LRP1B: variants seen among roughly 807,000 people sequenced by gnomAD.
LRP1B encodes LDL receptor related protein 1B.
In LRP1B, 217 loss-of-function variants were observed where a neutral mutation model predicts 556.6. That is an observed-to-expected ratio of 0.39 (90% CI 0.35 to 0.44). The LOEUF (loss-of-function observed/expected upper bound fraction) is 0.44, where lower values mean the gene tolerates loss of function less well. Ranked by LOEUF, LRP1B falls within the 20% of genes least tolerant of loss-of-function variation. LRP1B has a pLI of 1.00. For missense variants in LRP1B, 5,053 were observed against 5,620.8 expected, an observed-to-expected ratio of 0.90 and a Z score of 3.23; for synonymous variants, 2,047 against 1,865.8, an observed-to-expected ratio of 1.10 and a Z score of -2.50.
intron 18 of LRP1B, among the ~76,000 whole-genome samples, chr2:140,960,055 TACACATTG>T (rs1695988651): frequency 6.6e-6 from 1 of 151,698 alleles, no homozygotes; most frequent in Non-Finnish European, 1.5e-5. Flanking sequence ...AATTTGCTTA[TACACATTG>T]ACTTTCCACT....
At chr2:141,789,410 C>T (rs1695535200) in intron 2 of LRP1B, among the ~76,000 whole-genome samples, 1 of 151,652 alleles carries the variant, frequency 6.6e-6, no homozygotes, top group Admixed American at 6.6e-5. Flanking sequence ...GCCCACATAC[C>T]ACTTGTCAAG....
At chr2:142,025,289 CA>C (rs951900478) in intron 1 of LRP1B, among the ~76,000 whole-genome samples, 1 of 151,976 alleles carries the variant, frequency 6.6e-6, no homozygotes, top group Non-Finnish European at 1.5e-5. Context: ...AATATTTTAC[CA>C]GGAACAGTTT....
At chr2:141,901,058 G>T (rs1699604744) in intron 1 of LRP1B, among the ~76,000 whole-genome samples, 1 of 151,884 alleles carries the variant, frequency 6.6e-6, no homozygotes, top group Non-Finnish European at 1.5e-5. Context: ...CAACCAATAC[G>T]GTTCTTCTTA....
chr2:141,519,783 G>A (rs141822217), intron 2 of LRP1B, among the ~76,000 whole-genome samples: 5 of 152,088 alleles, frequency 3.3e-5, no homozygotes, highest in Admixed American at 2.0e-4. Flanking sequence ...GAAAAAAAGC[G>A]TTCTTTCTTG....
chr2:140,999,349 CCT>C (rs1208684938), intron 15 of LRP1B, among the ~76,000 whole-genome samples: 2 of 151,948 alleles, frequency 1.3e-5, no homozygotes, highest in African/African-American at 4.8e-5. Flanking sequence ...TAGACAAAAT[CCT>C]CTTTCTTTTC....
chr2:140,969,129 G>A (rs1696328103), intron 18 of LRP1B, among the ~76,000 whole-genome samples: 1 of 152,178 alleles, frequency 6.6e-6, no homozygotes, highest in Admixed American at 6.5e-5. Context: ...TAACAGTGGT[G>A]TGTTAAAGTC....
intron 3 of LRP1B, among the ~76,000 whole-genome samples, chr2:141,354,545 G>A (rs912535247): frequency 6.6e-6 from 1 of 151,966 alleles, no homozygotes; most frequent in African/African-American, 2.4e-5. Context: ...CAATGTACTG[G>A]AATATAAATA....
intron 35 of LRP1B, among the ~76,000 whole-genome samples, chr2:140,735,419 G>C (rs569087869): frequency 1.5e-4 from 23 of 152,246 alleles, no homozygotes; most frequent in Admixed American, 6.5e-4. Context: ...TTACAAAGAG[G>C]CTCATAACTC....
At chr2:141,011,204 GA>G (rs10708669) in intron 14 of LRP1B, among the ~76,000 whole-genome samples, 61,462 of 144,186 alleles carry the variant, frequency 0.43, 12,953 homozygotes, top group East Asian at 0.6. Context: ...TATCCATAGG[GA>G]AAAAAAAAAA....
intron 41 of LRP1B, among the ~76,000 whole-genome samples, chr2:140,659,114 T>TG (rs1684998642): frequency 2.1e-5 from 3 of 144,974 alleles, no homozygotes; most frequent in Admixed American, 6.9e-5. Flanking sequence ...TTTTTTTTTT[T>TG]TTTTTTTTTT....
At chr2:140,704,925 G>C (rs930246513) in intron 37 of LRP1B, among the ~76,000 whole-genome samples, 15 of 152,090 alleles carry the variant, frequency 9.9e-5, no homozygotes, top group Non-Finnish European at 2.1e-4. Context: ...AAATAAATGT[G>C]TTTATTGCTA....
intron 59 of LRP1B, among the ~76,000 whole-genome samples, chr2:140,484,825 G>C (rs927670090): frequency 7.2e-5 from 11 of 152,142 alleles, no homozygotes; most frequent in African/African-American, 2.7e-4. Flanking sequence ...AAATGCAAAT[G>C]AAACGGATCC....
chr2:141,163,010 A>G (rs1313037591), intron 7 of LRP1B, among the ~76,000 whole-genome samples: 1 of 152,126 alleles, frequency 6.6e-6, no homozygotes, highest in East Asian at 1.9e-4. Flanking sequence ...GAGGTTTGTC[A>G]TCGTCAATCC....
intron 72 of LRP1B, among the ~76,000 whole-genome samples, chr2:140,361,343 T>TATAC (rs1682494372): frequency 1.2e-5 from 1 of 85,264 alleles, no homozygotes; most frequent in Admixed American, 1.1e-4. Flanking sequence ...TTGGAAAGCA[T>TATAC]ATATATATAT....
At chr2:140,536,844 G>A (rs1679920678) in intron 45 of LRP1B, 135 bp from the exon 46 acceptor site, 1 of 710,736 alleles carries the variant, frequency 1.4e-6, no homozygotes, top group South Asian at 2.2e-5. Context: ...AAGAGCAATG[G>A]TTTATGACAT....
At chr2:141,800,460 A>T (rs1026634937) in intron 2 of LRP1B, among the ~76,000 whole-genome samples, 1 of 152,208 alleles carries the variant, frequency 6.6e-6, no homozygotes, top group African/African-American at 2.4e-5. Flanking sequence ...CAAATTAGAA[A>T]ATATTGCCTC....
At chr2:141,356,390 C>T (rs75205854) in intron 3 of LRP1B, among the ~76,000 whole-genome samples, 6,741 of 151,868 alleles carry the variant, frequency 0.044, 231 homozygotes, top group African/African-American at 0.082. Context: ...GGGTTGTTCC[C>T]AATAATATGA....
chr2:142,010,883 C>T (rs998856045), intron 1 of LRP1B, among the ~76,000 whole-genome samples: 2 of 152,178 alleles, frequency 1.3e-5, no homozygotes, highest in African/African-American at 4.8e-5. Flanking sequence ...CTCAGGGATA[C>T]ACATTAATCA....
intron 32 of LRP1B, among the ~76,000 whole-genome samples, chr2:140,811,546 AGT>A (rs1280464549): frequency 6.6e-6 from 1 of 152,080 alleles, no homozygotes; most frequent in Non-Finnish European, 1.5e-5. Flanking sequence ...TGAGTTCCTT[AGT>A]TATGCTATTT....
Sources: allele counts gnomAD v4.1 joint callset (sites outside exome capture counted in the v4.1 genomes callset), GRCh38; gene constraint gnomAD v4.1.1; transcripts MANE v1.5; gene names NCBI Gene and HGNC (gene_info 2026-07-23, HGNC 2026-07-21).